Variants in VILL observed in about 807,000 individuals in gnomAD.
The protein encoded by VILL is villin like.
VILL carries 102 observed loss-of-function variants against 106.3 expected under a neutral mutation model. That is an observed-to-expected ratio of 0.96 (90% CI 0.82 to 1.13). The LOEUF (loss-of-function observed/expected upper bound fraction) is 1.13, where lower values mean the gene tolerates loss of function less well. Ranked by LOEUF, VILL falls within the 50% of genes most tolerant of loss-of-function variation. VILL has a pLI of 0.00. For synonymous variants in VILL, 431 were observed against 440.3 expected, an observed-to-expected ratio of 0.98 and a Z score of 0.27; for missense variants, 1,076 against 1,116.6, an observed-to-expected ratio of 0.96 and a Z score of 0.52.
rs746319523 is a variant in VILL, at chr3:37,994,355, A to G, written c.230A>G (p.Glu77Gly). The G allele has an allele frequency of 5.0e-6, 8 of 1,611,574 alleles. No individual in the cohort carries two copies. The highest frequency in any genetic ancestry group is 1.3e-5 in the African/African-American group (1 of 75,030). Residue 77 changes from glutamate to glycine, a missense_variant, in exon 4 of 20, where the codon GAG becomes GGG. By Grantham distance (98) the Glu-to-Gly change is moderately conservative. Transcript: ENST00000383759. ...GGTGCGGAAGCGCAGGGCGCTGCGG[A>G]GGCCTTCCAGCAGCGCCTACAGGAC... ...QAGAEAQGAA[E>G]AFQQRLQDEL...
chr3:37,993,507 A>C, intron 1 of VILL, 80 bp from the exon 2 acceptor site: 1 of 639,088 alleles, frequency 1.6e-6, no homozygotes, highest in Non-Finnish European at 2.7e-6. Flanking sequence ...TTGCTGCAGA[A>C]TCTGAGTCTT....
In VILL at chr3:38,006,430, G is replaced by A; in HGVS notation, c.2206-19G>A. 1 of 1,585,380 alleles carries A rather than the reference G, an allele frequency of 6.3e-7. No individual in the cohort carries two copies. The highest frequency in any genetic ancestry group is 8.6e-7 in the Non-Finnish European group (1 of 1,161,452). On this transcript the variant is annotated intron_variant, in intron 18 of 19. Transcript: ENST00000383759. ...ACTGATTCCCCATCTTCCCCAGCCT[G>A]AGGCTCCTCTCTGGACAGGAAGTCA...
At chr3:38,003,040 C>G (rs1699848192) in intron 14 of VILL, 128 bp from the exon 15 acceptor site, 1 of 1,197,420 alleles carries the variant, frequency 8.4e-7, no homozygotes, top group Middle Eastern at 2.3e-4. Flanking sequence ...TCACTGGTGT[C>G]CTGCTGTCAG....
chr3:38,002,594 A>T lies in VILL; in HGVS notation c.1659+19A>T, dbSNP rs1199126535. On this transcript the variant is annotated intron_variant, in intron 14 of 19. Transcript: ENST00000383759. Reference sequence around the variant, plus strand: ...TGGGAAGGTACCCACAGCACTGACCACTTGATTCATGCCCAGATGTAGTGG... The same window carrying T: ...TGGGAAGGTACCCACAGCACTGACCTCTTGATTCATGCCCAGATGTAGTGG... The T allele has an allele frequency of 6.2e-7, 1 of 1,604,950 alleles. No homozygotes were observed. Among genetic ancestry groups the T allele is most frequent in the African/African-American group, 1.3e-5 (1 of 74,836 alleles).
Position 37,993,727 on chromosome 3 carries a change from T to C in VILL, c.55T>C (p.Ser19Pro), listed in dbSNP as rs1342942138. 3.1e-6 allele frequency: 5 copies of C among 1,613,938 alleles called. No individual in the cohort carries two copies. The African/African-American group carries it at 5.3e-5, about 17-fold the overall frequency. Residue 19 changes from serine (S) to proline (P), a missense_variant, in exon 2 of 20, where the codon TCT becomes CCT. Physicochemically the swap from Ser to Pro is moderately conservative, Grantham distance 74. Transcript: ENST00000383759. ...GCAGGGAGGCCTCCACATATGGATCTCTGAGGTGAGAGGCACGACCAAATA... is the reference window on the plus strand; with the variant it reads ...GCAGGGAGGCCTCCACATATGGATCCCTGAGGTGAGAGGCACGACCAAATA... ...GMQGGLHIWISENRKMVPVPE... is the reference protein window; with the variant it reads ...GMQGGLHIWIPENRKMVPVPE...
chr3:37,993,751 TAGG>T lies in VILL; in HGVS notation c.60+22_60+24del, dbSNP rs773077914. Reference sequence around the variant, plus strand: ...CTCTGAGGTGAGAGGCACGACCAAATAGGAGAGTTGGTGACATGGAAGAGCGTG... The same window carrying T: ...CTCTGAGGTGAGAGGCACGACCAAATAGAGTTGGTGACATGGAAGAGCGTG... On this transcript the variant is annotated intron_variant, in intron 2 of 19. Transcript: ENST00000383759. 9 of 1,613,656 alleles carry T rather than the reference TAGG, an allele frequency of 5.6e-6. No individual in the cohort carries two copies. The highest frequency in any genetic ancestry group is 7.6e-6 in the Non-Finnish European group (9 of 1,179,694).
intron 11 of VILL, among the ~76,000 whole-genome samples, chr3:38,000,304 G>T (rs926395306): frequency 6.6e-6 from 1 of 152,160 alleles, no homozygotes; most frequent in Non-Finnish European, 1.5e-5. Context: ...AGGAGATGGG[G>T]CAAGGGGGAA....
In VILL at chr3:37,997,761, G is replaced by A. The variant is rs1267732752; in HGVS notation, c.764+76G>A. On this transcript the variant is annotated intron_variant, in intron 7 of 19. Coordinates refer to ENST00000383759, the MANE Select transcript of VILL (RefSeq NM_015873.4). The surrounding 1 kb of genome is among the most constrained non-coding windows in gnomAD (Gnocchi z 4.7). ...TGTCCATCACTACTGCAATAACACG[G>A]CATCTCTAGAAGGCCCTCCAGCAAA... 28 of 1,482,334 alleles carry A rather than the reference G, an allele frequency of 1.9e-5. No individual in the cohort carries two copies. The highest frequency in any genetic ancestry group is 2.5e-5 in the Non-Finnish European group (27 of 1,100,930). 91.8% of individuals were successfully genotyped at this position (1,482,334 alleles called of 1,614,324 possible).
rs1699758176 is a variant in VILL at position 37,998,964 on chromosome 3, A to G, written c.995A>G (p.Asn332Ser). Residue 332 changes from asparagine (N) to serine (S), a missense_variant, in exon 10 of 20, where the codon AAC becomes AGC. Physicochemically the swap from Asn to Ser is conservative, Grantham distance 46 (BLOSUM62 1). Coordinates refer to ENST00000383759, the MANE Select transcript of VILL (RefSeq NM_015873.4). This position sits in a 1 kb window ranked among gnomAD's most constrained non-coding sequence, Gnocchi z 4.1. ...YPTYTNVEVV[N>S]DGAESAAFKQ... ...ACCTACACCAACGTGGAGGTGGTGA[A>G]CGACGGCGCCGAGTCGGCCGCGTTC... 5 of 1,610,456 alleles carry G rather than the reference A, an allele frequency of 3.1e-6. No individual in the cohort carries two copies. The highest frequency in any genetic ancestry group is 2.2e-5 in the East Asian group (1 of 44,664).
At position 37,998,052 on chromosome 3, in the gene VILL, G is replaced by A. The variant is rs980210575; in HGVS notation, c.765-38G>A. 45 of 1,554,998 alleles carry A rather than the reference G, an allele frequency of 2.9e-5. No homozygotes were observed. The highest frequency in any genetic ancestry group is 1.7e-4 in the Middle Eastern group (1 of 5,988). On this transcript the variant is annotated intron_variant, in intron 7 of 19. Coordinates refer to ENST00000383759, the MANE Select transcript of VILL (RefSeq NM_015873.4). This position sits in a 1 kb window ranked among gnomAD's most constrained non-coding sequence, Gnocchi z 4.1. ...GCTGGAGTGGAGACAGATCAGGGAG[G>A]GGCTGGGCTGGCCACTCCTGGGTTC...
chr3:38,002,542 C>T lies in VILL; in HGVS notation c.1626C>T (p.Val542=). The change falls in exon 14 of 20, where the codon GTC becomes GTT. Residue 542 remains valine (V), a synonymous_variant. Coordinates refer to ENST00000383759, the MANE Select transcript of VILL (RefSeq NM_015873.4). ...SLNSSDIFLL[V]TASVCYLWFG... ...ACTCCAGTGACATCTTCTTGCTGGT[C>T]ACAGCCAGCGTCTGCTACCTCTGGT... 6.2e-7 allele frequency: 1 copy of T among 1,614,070 alleles called. No individual in the cohort carries two copies. The highest frequency in any genetic ancestry group is 1.1e-5 in the South Asian group (1 of 91,072).
At chr3:37,992,613 G>C (rs1699626419) in intron 1 of VILL, among the ~76,000 whole-genome samples, 2 of 152,172 alleles carry the variant, frequency 1.3e-5, no homozygotes, top group Admixed American at 6.5e-5. Flanking sequence ...TGGTGAGGGA[G>C]ACCATAGCCA....
intron 15 of VILL, chr3:38,003,747 G>A (rs535699290): frequency 1.5e-5 from 3 of 204,502 alleles, no homozygotes; most frequent in Non-Finnish European, 3.0e-5. Context: ...CAGGGTGTGT[G>A]TAGGAGGTAG....
chr3:37,993,641 T>C lies in VILL; in HGVS notation c.-32T>C, dbSNP rs542152054. The stretch of plus-strand genomic sequence containing the variant: ...GCCTGAGAACTCTGGCTGTTGTTCC[T>C]TGTGTCGTCCCATATTCCTGCCTGG... On this transcript the variant is annotated 5_prime_UTR_variant, in exon 2 of 20. Transcript: ENST00000383759. 4,263 of 1,610,596 alleles carry C rather than the reference T, an allele frequency of 2.6e-3. 113 individuals are homozygous for C. In the South Asian group the frequency reaches 0.044, roughly 17 times the overall value.
Position 37,998,349 on chromosome 3 carries a change from C to CT in VILL, c.929dup (p.Ser311GlnfsTer39). The CT allele has an allele frequency of 6.2e-7, 1 of 1,614,150 alleles. No homozygotes were observed. Among genetic ancestry groups the CT allele is most frequent in the Non-Finnish European group, 8.5e-7 (1 of 1,179,998 alleles). On this transcript the variant is annotated frameshift_variant, in exon 9 of 20. Coordinates refer to ENST00000383759, the MANE Select transcript of VILL (RefSeq NM_015873.4). LOFTEE classifies it high-confidence loss of function. This position sits in a 1 kb window ranked among gnomAD's most constrained non-coding sequence, Gnocchi z 4.1. ...CTAGCCTCCAGGAGAGAAAGGCTGC[C>CT]TTCAGCCGGGCTGTGGTGAGCCCTG...
chr3:37,992,004 G>A (rs1435298439), intron 1 of VILL, among the ~76,000 whole-genome samples: 4 of 152,198 alleles, frequency 2.6e-5, no homozygotes, highest in South Asian at 2.1e-4. Context: ...GATATCAGAC[G>A]GGCTCCCGGA....
intron 4 of VILL, 113 bp from the exon 5 acceptor site, chr3:37,995,626 T>C: frequency 1.2e-6 from 1 of 814,034 alleles, no homozygotes; most frequent in Non-Finnish European, 2.0e-6. Flanking sequence ...CCAGTGCATG[T>C]ATGAAGCAGG....
upstream of VILL, among the ~76,000 whole-genome samples, chr3:37,988,583 C>T (rs1460161633): frequency 6.6e-6 from 1 of 152,206 alleles, no homozygotes; most frequent in African/African-American, 2.4e-5. Context: ...TGGATACAGG[C>T]CGGGCGTGGT....
intron 16 of VILL, 93 bp from the exon 17 acceptor site, chr3:38,005,699 T>C: frequency 1.4e-6 from 2 of 1,403,072 alleles, no homozygotes; most frequent in East Asian, 4.6e-5. Context: ...TGTGGGGTTC[T>C]GTCTGGGACA....
Sources: gnomAD v4.1 joint callset for allele counts (sites outside exome capture counted in the v4.1 genomes callset) on GRCh38, gnomAD v4.1.1 for gene constraint, Gnocchi (gnomAD v3.1) non-coding constraint, MANE v1.5 for transcripts, NCBI Gene and HGNC (gene_info 2026-07-23, HGNC 2026-07-21) for gene names.